The following EPB41 variants were observed in gnomAD, a reference collection of about 807,000 sequenced individuals.
The protein encoded by EPB41 is protein 4.1.
A neutral mutation model predicts 108.0 loss-of-function variants in EPB41; 65 were observed. The ratio of observed to expected loss-of-function variants is 0.60; its 90% CI spans 0.49 to 0.74. The LOEUF is 0.74. EPB41 is among the 30% of genes least tolerant of loss of function. EPB41 has a pLI of 0.00. For synonymous variants in EPB41, 336 were observed against 358.9 expected (o/e 0.94, Z 0.72); for missense variants, 875 against 1,037.0 (o/e 0.84, Z 2.15).
chr1:28,924,377 G>C (rs1410943067), intron 1 of EPB41, among the ~76,000 whole-genome samples: 1 of 152,158 alleles, frequency 6.6e-6, no homozygotes, highest in African/African-American at 2.4e-5. Flanking sequence ...AAAAATAGAA[G>C]AATTACCTGG....
At chr1:29,109,814 A>C (rs965594554) in intron 18 of EPB41, 7 of 337,790 alleles carry the variant, frequency 2.1e-5, no homozygotes, top group Non-Finnish European at 3.5e-5. Context: ...CAGGTGGATC[A>C]CCTGAGATCA....
At chr1:28,896,919 T>C (rs1000219354) in intron 1 of EPB41, among the ~76,000 whole-genome samples, 49 of 152,126 alleles carry the variant, frequency 3.2e-4, no homozygotes, top group African/African-American at 1.2e-3. Flanking sequence ...GAGGGAGATC[T>C]TGGGGCCTGG....
At chr1:28,968,183 C>G (rs145019848) in intron 1 of EPB41, among the ~76,000 whole-genome samples, 3,540 of 152,004 alleles carry the variant, frequency 0.023, 53 homozygotes, top group Middle Eastern at 0.054. Flanking sequence ...ATGGTGAAAC[C>G]CTGTCTCTAC....
rs76526128 is a variant in EPB41 at position 29,055,475 on chromosome 1, A to G, written c.1845+2163A>G. On this transcript the variant is annotated intron_variant, in intron 12 of 20. Coordinates refer to ENST00000343067, the MANE Select transcript of EPB41 (RefSeq NM_001376013.1). Reference sequence around the variant, plus strand: ...CAGAGTGAAGAGATCACTACCTGGTATATGCTTTCCATTTTAAGTGCCAAT... The same window carrying G: ...CAGAGTGAAGAGATCACTACCTGGTGTATGCTTTCCATTTTAAGTGCCAAT... Among the ~76,000 whole-genome samples, 573 of 152,180 alleles carry G rather than the reference A, an allele frequency of 3.8e-3. 1 individual carries two copies. Among genetic ancestry groups the G allele is most frequent in the Non-Finnish European group, 6.4e-3 (438 of 68,020 alleles).
chr1:29,112,467 TC>T lies in EPB41; in HGVS notation c.2496+20del. ...TGATCAGGTGGGAATGTTGAAGAGA[TC>T]TGGGCCTGGGAGGGGTCCCTGGGCA... On this transcript the variant is annotated intron_variant, in intron 19 of 20. Transcript: ENST00000343067. 2.5e-6 allele frequency: 4 copies of T among 1,607,722 alleles called. No homozygotes were observed. The highest frequency in any genetic ancestry group is 3.4e-6 in the Non-Finnish European group (4 of 1,174,332).
intron 1 of EPB41, among the ~76,000 whole-genome samples, chr1:28,949,285 A>C (rs997748606): frequency 6.6e-6 from 1 of 152,096 alleles, no homozygotes; most frequent in African/African-American, 2.4e-5. Flanking sequence ...CTCCACAAAA[A>C]ATTTTAAAAA....
rs117459768 is a variant in EPB41, at chr1:28,919,802, C to G, written c.-8+5034C>G. Among the ~76,000 whole-genome samples the G allele has an allele frequency of 7.7e-3, 1,179 of 152,190 alleles. 34 individuals carry two copies. Among genetic ancestry groups the G allele is most frequent in the Admixed American group, 0.056 (855 of 15,276 alleles). ...ATTCCAGAGACATTCTGGCGTCATG[C>G]TTTTAAATTATTTATTGTTTTATTA... On this transcript the variant is annotated intron_variant, in intron 1 of 20. Transcript: ENST00000343067.
intron 1 of EPB41, among the ~76,000 whole-genome samples, chr1:28,933,093 T>C (rs1392044404): frequency 1.3e-5 from 2 of 152,196 alleles, no homozygotes; most frequent in Non-Finnish European, 2.9e-5. Flanking sequence ...GTTTTGTCTT[T>C]ATGTATTTTT....
intron 6 of EPB41, among the ~76,000 whole-genome samples, chr1:29,016,699 T>C (rs541989500): frequency 6.9e-6 from 1 of 145,682 alleles, no homozygotes; most frequent in South Asian, 2.3e-4. Flanking sequence ...TCTATAAAAA[T>C]ATTAACTAAA....
chr1:28,963,955 C>T (rs2095293054), intron 1 of EPB41, among the ~76,000 whole-genome samples: 1 of 152,204 alleles, frequency 6.6e-6, no homozygotes, highest in Non-Finnish European at 1.5e-5. Context: ...CTCTGTCATA[C>T]TGTCTTTCTT....
chr1:28,935,328 G>A (rs546793769), intron 1 of EPB41, among the ~76,000 whole-genome samples: 5 of 151,404 alleles, frequency 3.3e-5, no homozygotes, highest in African/African-American at 7.3e-5. Flanking sequence ...CCAGCTACTC[G>A]GGAGTCTGAG....
intron 16 of EPB41, among the ~76,000 whole-genome samples, chr1:29,088,472 A>G (rs1436743636): frequency 6.6e-6 from 1 of 152,154 alleles, no homozygotes; most frequent in Non-Finnish European, 1.5e-5. Flanking sequence ...ACAGCCATAT[A>G]TTCATCTTCT....
Position 29,069,676 on chromosome 1 carries a change from C to CT in EPB41, c.2184+4529dup, listed in dbSNP as rs905837330. On this transcript the variant is annotated intron_variant, in intron 16 of 20. Transcript: ENST00000343067. ...GCCATTATATTTGTAATAAAAGTAACTTTTTTTTTTTGTCTGAGACAGACT... is the reference window on the plus strand; with the variant it reads ...GCCATTATATTTGTAATAAAAGTAACTTTTTTTTTTTTGTCTGAGACAGACT... 1,188 of 155,686 alleles carry CT rather than the reference C, an allele frequency of 7.6e-3. 5 individuals carry two copies. Among genetic ancestry groups the CT allele is most frequent in the Middle Eastern group, 0.019 (6 of 318 alleles). 9.6% of individuals were successfully genotyped at this position (155,686 alleles called of 1,614,324 possible). A position where few individuals can be genotyped will look rare whatever the true frequency, so the allele number is the denominator to read the frequency against.
intron 11 of EPB41, among the ~76,000 whole-genome samples, chr1:29,040,048 T>G (rs1406398265): frequency 6.6e-6 from 1 of 152,094 alleles, no homozygotes; most frequent in African/African-American, 2.4e-5. Flanking sequence ...TGAAGGCCTC[T>G]TAGCATTTAA....
intron 1 of EPB41, among the ~76,000 whole-genome samples, chr1:28,905,510 AC>A (rs1274531999): frequency 1.3e-5 from 2 of 151,712 alleles, no homozygotes; most frequent in Non-Finnish European, 2.9e-5. Context: ...AAAAAAAACA[AC>A]AAAAAACCAG....
chr1:29,058,532 A>G (rs1409210545), intron 12 of EPB41, 57 bp from the exon 13 acceptor site: 2 of 1,472,818 alleles, frequency 1.4e-6, no homozygotes, highest in East Asian at 2.3e-5. Flanking sequence ...AAACAACACT[A>G]TTCATAGAAA....
At chr1:28,896,979 A>G (rs1370832092) in intron 1 of EPB41, among the ~76,000 whole-genome samples, 1 of 152,080 alleles carries the variant, frequency 6.6e-6, no homozygotes, top group African/African-American at 2.4e-5. Context: ...ATCTGGGAGG[A>G]GGAGGCAGAG....
intron 1 of EPB41, among the ~76,000 whole-genome samples, chr1:28,904,607 A>G (rs557657052): frequency 4.5e-4 from 68 of 152,274 alleles, no homozygotes; most frequent in Non-Finnish European, 7.6e-4. Flanking sequence ...TTATAAGAAG[A>G]GACACCAAGG....
Position 29,057,387 on chromosome 1 carries a change from A to AAG in EPB41, c.1846-1201_1846-1200insGA, listed in dbSNP as rs1553270948. On this transcript the variant is annotated intron_variant, in intron 12 of 20. Coordinates refer to ENST00000343067, the MANE Select transcript of EPB41 (RefSeq NM_001376013.1). ...AGACTCTGTCTCAAAAAAAAAAAAAAAAAAAAAAAGAAAAAGAAATAACCC... is the reference window on the plus strand; with the variant it reads ...AGACTCTGTCTCAAAAAAAAAAAAAAAGAAAAAAAAAGAAAAAGAAATAACCC... Among the ~76,000 whole-genome samples, 16 of 150,992 alleles carry AAG rather than the reference A, an allele frequency of 1.1e-4. No homozygotes were observed. In the South Asian group the frequency reaches 2.3e-3, roughly 22 times the overall value.
Sources: allele counts gnomAD v4.1 joint callset (sites outside exome capture counted in the v4.1 genomes callset), GRCh38; gene constraint gnomAD v4.1.1; transcripts MANE v1.5; gene names NCBI Gene and HGNC (gene_info 2026-07-23, HGNC 2026-07-21).